CEP170: variants seen among roughly 807,000 people sequenced by gnomAD.
CEP170 encodes the protein centrosomal protein 170.
In CEP170, 21 loss-of-function variants were observed where a neutral mutation model predicts 151.9. The ratio of observed to expected loss-of-function variants is 0.14; its 90% CI spans 0.10 to 0.20. The LOEUF is 0.20. Among genes scored for constraint, CEP170 ranks in the 10% least tolerant of loss-of-function variants. The pLI, the probability that CEP170 is intolerant of heterozygous loss-of-function variation, is 1.00. For missense variants in CEP170, 964 were observed against 1,892.9 expected (o/e 0.51, Z 9.11); for synonymous variants, 356 against 648.8 (o/e 0.55, Z 6.86).
chr1:243,197,895 G>A (rs1307774550), intron 7 of CEP170, among the ~76,000 whole-genome samples: 1 of 152,098 alleles, frequency 6.6e-6, no homozygotes, highest in East Asian at 1.9e-4. Flanking sequence ...CAATAAAGCT[G>A]GGATGGGAAT....
chr1:243,166,512 C>T (rs1452906569), intron 12 of CEP170: 1 of 177,520 alleles, frequency 5.6e-6, no homozygotes, highest in Non-Finnish European at 1.2e-5. Context: ...GATGCAAAAC[C>T]CACTAATACA....
intron 1 of CEP170, among the ~76,000 whole-genome samples, chr1:243,251,080 A>T (rs2065896059): frequency 6.6e-6 from 1 of 152,226 alleles, no homozygotes; most frequent in African/African-American, 2.4e-5. Context: ...ACCTTACTTC[A>T]TCTTACTCCT....
At chr1:243,172,342 A>T (rs141395992) in intron 11 of CEP170, among the ~76,000 whole-genome samples, 8 of 152,200 alleles carry the variant, frequency 5.3e-5, no homozygotes, top group African/African-American at 1.4e-4. Context: ...TTTACAAATG[A>T]TAAGAATTCA....
intron 13 of CEP170, among the ~76,000 whole-genome samples, chr1:243,159,473 C>T (rs2057861304): frequency 6.6e-6 from 1 of 152,230 alleles, no homozygotes; most frequent in African/African-American, 2.4e-5. Flanking sequence ...ATAGCAGCTA[C>T]CTAACCTTTT....
At chr1:243,227,577 G>A (rs1270482326) in intron 1 of CEP170, among the ~76,000 whole-genome samples, 4 of 152,052 alleles carry the variant, frequency 2.6e-5, no homozygotes, top group African/African-American at 9.7e-5. Context: ...CCATTTCATC[G>A]AGAACATTCT....
intron 1 of CEP170, among the ~76,000 whole-genome samples, chr1:243,232,593 A>G (rs1254647799): frequency 6.6e-6 from 1 of 152,226 alleles, no homozygotes; most frequent in Non-Finnish European, 1.5e-5. Flanking sequence ...TGAAGGCAGC[A>G]AAACTGTCTT....
At chr1:243,239,385 TGCA>T (rs983423271) in intron 1 of CEP170, among the ~76,000 whole-genome samples, 2 of 152,180 alleles carry the variant, frequency 1.3e-5, no homozygotes, top group African/African-American at 4.8e-5. Context: ...AATAAATTAC[TGCA>T]GAACTCTTTT....
rs1305170913 is a variant in CEP170 at position 243,125,490 on chromosome 1, T to A, written c.*959A>T. The A allele has an allele frequency of 1.3e-5, 2 of 152,726 alleles. No individual in the cohort carries two copies. The highest frequency in any genetic ancestry group is 6.5e-5 in the Admixed American group (1 of 15,284). The allele number at this position is 152,726 out of a possible 1,614,324, so 9.5% of individuals were successfully genotyped here. ...AATGAAGAAAATTTTAACCTCATGA[T>A]CATTTCAAGGGAATTTCTTTTTCAA... On this transcript the variant is annotated 3_prime_UTR_variant, in exon 20 of 20. Transcript: ENST00000366542.
chr1:243,186,065 G>C lies in CEP170; in HGVS notation c.1280C>G (p.Ser427Cys). The C allele has an allele frequency of 6.2e-7, 1 of 1,613,706 alleles. No individual in the cohort carries two copies. Among genetic ancestry groups the C allele is most frequent in the Non-Finnish European group, 8.5e-7 (1 of 1,179,668 alleles). Residue 427 changes from serine to cysteine, a missense_variant, in exon 10 of 20, where the codon TCT becomes TGT. Physicochemically the swap from Ser to Cys is moderately radical, Grantham distance 112. Transcript: ENST00000366542. ...EKHQDQAVTS[S>C]AHHRGGHGVP... Reference sequence around the variant, plus strand: ...ACCATGCCCCCCTCTGTGATGCGCAGAGCTAGTCTGTAAAGACAAAGAAAC... The same window carrying C: ...ACCATGCCCCCCTCTGTGATGCGCACAGCTAGTCTGTAAAGACAAAGAAAC...
intron 7 of CEP170, among the ~76,000 whole-genome samples, chr1:243,192,777 C>G (rs2060391534): frequency 2.0e-5 from 3 of 152,160 alleles, no homozygotes; most frequent in Admixed American, 1.3e-4. Context: ...AATATAAAAC[C>G]TGACTGCTTT....
intron 14 of CEP170, among the ~76,000 whole-genome samples, chr1:243,150,085 G>T (rs1441958595): frequency 6.6e-6 from 1 of 151,844 alleles, no homozygotes; most frequent in Non-Finnish European, 1.5e-5. Context: ...AAAGCTTTTT[G>T]TCTTACAATG....
chr1:243,145,388 C>T (rs2056343173), intron 14 of CEP170, among the ~76,000 whole-genome samples: 1 of 152,318 alleles, frequency 6.6e-6, no homozygotes, highest in Non-Finnish European at 1.5e-5. Flanking sequence ...GATTCTCCTG[C>T]CTCAGACTAC....
In CEP170 at chr1:243,129,392, T is replaced by C. The variant is rs1174023185; in HGVS notation, c.4381A>G (p.Ser1461Gly). 2.5e-6 allele frequency: 4 copies of C among 1,598,194 alleles called. No homozygotes were observed. Among genetic ancestry groups the C allele is most frequent in the South Asian group, 2.3e-5 (2 of 87,372 alleles). ...DDIESKLRAE[S>G]EVPIVKTSSM... ...GAGGTTTTCACAATAGGGACTTCAC[T>C]TTCGGCTCTTAATTTGCTTTCTATG... Residue 1461 changes from serine (S) to glycine (G), a missense_variant, in exon 18 of 20, where the codon AGT becomes GGT. Ser to Gly is a moderately conservative substitution (Grantham distance 56). Coordinates refer to ENST00000366542, the MANE Select transcript of CEP170 (RefSeq NM_014812.3).
At chr1:243,202,607 ATAT>A (rs754197558) in intron 4 of CEP170, among the ~76,000 whole-genome samples, 44 of 152,022 alleles carry the variant, frequency 2.9e-4, no homozygotes, top group Non-Finnish European at 5.6e-4. Context: ...ACTACTGCAG[ATAT>A]TATTGAAGTT....
At position 243,242,456 on chromosome 1, in the gene CEP170, G is replaced by A. The variant is rs532830307; in HGVS notation, c.-42+12584C>T. 4.0e-5 allele frequency among the ~76,000 whole-genome samples: 6 copies of A among 151,786 alleles called. No homozygotes were observed. The South Asian group carries it at 1.3e-3, about 32-fold the overall frequency. ...GATGGTCTCGATCTCCTGACCACATGATCTACCTGCCTCGGCCTCCCAAAG... is the reference window on the plus strand; with the variant it reads ...GATGGTCTCGATCTCCTGACCACATAATCTACCTGCCTCGGCCTCCCAAAG... On this transcript the variant is annotated intron_variant, in intron 1 of 19. Transcript: ENST00000366542.
intron 1 of CEP170, among the ~76,000 whole-genome samples, chr1:243,233,732 C>CAAA (rs376399936): frequency 0.036 from 3,520 of 97,468 alleles, 69 homozygotes; most frequent in Middle Eastern, 0.068. Flanking sequence ...GACTCCATCT[C>CAAA]AAAAAAAAAA....
At chr1:243,147,537 C>G (rs1171946163) in intron 14 of CEP170, among the ~76,000 whole-genome samples, 6 of 152,112 alleles carry the variant, frequency 3.9e-5, no homozygotes. Flanking sequence ...AGTTCTGTAT[C>G]TTAAACCATG....
chr1:243,139,494 G>GT (rs1377083830), intron 16 of CEP170, among the ~76,000 whole-genome samples: 1 of 151,218 alleles, frequency 6.6e-6, no homozygotes, highest in African/African-American at 2.5e-5. Flanking sequence ...TTTGTAACTT[G>GT]TATTTCTACC....
chr1:243,206,320 G>A (rs2061418642), intron 4 of CEP170, among the ~76,000 whole-genome samples: 1 of 152,190 alleles, frequency 6.6e-6, no homozygotes, highest in Non-Finnish European at 1.5e-5. Context: ...TTTTAATAGA[G>A]ACAGGGTTTC....
Sources: gnomAD v4.1 joint callset for allele counts (sites outside exome capture counted in the v4.1 genomes callset) on GRCh38, gnomAD v4.1.1 for gene constraint, MANE v1.5 for transcripts, NCBI Gene and HGNC (gene_info 2026-07-23, HGNC 2026-07-21) for gene names.